The following HDAC8 variants were observed in gnomAD, a reference collection of about 807,000 sequenced individuals.
The protein encoded by HDAC8 is histone deacetylase-like 1.
In HDAC8, 1 loss-of-function variant was observed where a neutral mutation model predicts 32.2. The observed-to-expected ratio is 0.03, with a 90% CI of 0.01 to 0.15. HDAC8 has a LOEUF of 0.15. Ranked by LOEUF, HDAC8 falls within the 10% of genes least tolerant of loss-of-function variation. The pLI is 1.00. For synonymous variants in HDAC8, 108 were observed against 113.9 expected (o/e 0.95, Z 0.33); for missense variants, 117 against 300.0 (o/e 0.39, Z 4.51).
At chrX:72,540,445 G>C (rs1014347102) in intron 4 of HDAC8, among the ~76,000 whole-genome samples, 1 of 111,825 alleles carries the variant, frequency 8.9e-6, no homozygotes, top group East Asian at 2.8e-4. Flanking sequence ...TCAATAAATA[G>C]AAACGAGAAT....
chrX:72,396,256 T>C (rs914005829), intron 9 of HDAC8, among the ~76,000 whole-genome samples: 103 of 112,294 alleles, frequency 9.2e-4, no homozygotes, highest in Middle Eastern at 4.6e-3. Flanking sequence ...CCCATGACAA[T>C]GTTGGCAGGC....
chrX:72,414,395 AC>A (rs1329363344), intron 9 of HDAC8, among the ~76,000 whole-genome samples: 1 of 111,799 alleles, frequency 8.9e-6, no homozygotes, highest in Non-Finnish European at 1.9e-5. Flanking sequence ...AGGCTGCAGT[AC>A]GGTGACCCCA....
intron 10 of HDAC8, among the ~76,000 whole-genome samples, chrX:72,346,529 G>C (rs1456533566): frequency 1.8e-5 from 2 of 112,084 alleles, no homozygotes; most frequent in Non-Finnish European, 3.8e-5. Context: ...CCGGATGTCA[G>C]GCTGCCAGAG....
At position 72,535,481 on chromosome X, in the gene HDAC8, T is replaced by C. The variant is rs911422320; in HGVS notation, c.437+32408A>G. Reference sequence around the variant, plus strand: ...GTACTCATAATCTGGTTTTTATGCTTTACCTTACATGTAAATCTACACATC... The same window carrying C: ...GTACTCATAATCTGGTTTTTATGCTCTACCTTACATGTAAATCTACACATC... On this transcript the variant is annotated intron_variant, in intron 4 of 10. Transcript: ENST00000373573. Among the ~76,000 whole-genome samples the C allele has an allele frequency of 3.6e-5, 4 of 110,413 alleles. No individual in the cohort carries two copies. The Admixed American group carries it at 3.9e-4, about 11-fold the overall frequency.
rs782702904 is a variant in HDAC8 at position 72,329,728 on chromosome X, G to T, written c.*326C>A. ...CCAGCTTCTGATCTGTTTCATTTAAGATGATTAAAATACTCCCCTCCCCAA... is the reference window on the plus strand; with the variant it reads ...CCAGCTTCTGATCTGTTTCATTTAATATGATTAAAATACTCCCCTCCCCAA... On this transcript the variant is annotated 3_prime_UTR_variant, in exon 11 of 11. Coordinates refer to ENST00000373573, the MANE Select transcript of HDAC8 (RefSeq NM_018486.3). The T allele has an allele frequency of 1.0e-5, 12 of 1,173,940 alleles. No homozygotes were observed. The South Asian group carries it at 1.7e-4, about 17-fold the overall frequency.
chrX:72,506,005 C>G (rs1234923693), intron 4 of HDAC8, among the ~76,000 whole-genome samples: 4 of 111,751 alleles, frequency 3.6e-5, no homozygotes, highest in Non-Finnish European at 7.5e-5. Flanking sequence ...GAACTAAAAC[C>G]CGACTGCCCA....
intron 4 of HDAC8, among the ~76,000 whole-genome samples, chrX:72,506,730 T>C (rs147443236): frequency 0.011 from 1,220 of 111,729 alleles, 23 homozygotes; most frequent in African/African-American, 0.038. Context: ...AGAGTACCCA[T>C]ACCCTAGCTC....
intron 9 of HDAC8, among the ~76,000 whole-genome samples, chrX:72,399,730 TCC>T (rs2045856600): frequency 1.8e-5 from 2 of 112,242 alleles, no homozygotes; most frequent in African/African-American, 6.5e-5. Context: ...GCCTGGCCTC[TCC>T]ATTTCAATAA....
chrX:72,383,635 C>T (rs782769912), intron 9 of HDAC8, among the ~76,000 whole-genome samples: 4 of 110,992 alleles, frequency 3.6e-5, no homozygotes, highest in Admixed American at 9.6e-5. Context: ...CTTTGGGAGG[C>T]CGAGGCGGGC....
chrX:72,346,936 C>T (rs782743339), intron 10 of HDAC8, among the ~76,000 whole-genome samples: 1 of 111,054 alleles, frequency 9.0e-6, no homozygotes, highest in South Asian at 3.9e-4. Context: ...TTACTAGGGG[C>T]GATCGGAAAG....
At chrX:72,550,522 C>T (rs1293692793) in intron 4 of HDAC8, among the ~76,000 whole-genome samples, 1 of 110,765 alleles carries the variant, frequency 9.0e-6, no homozygotes, top group Non-Finnish European at 1.9e-5. Flanking sequence ...CATACAAACA[C>T]ACACACAAAC....
At chrX:72,507,511 C>T (rs1317237756) in intron 4 of HDAC8, among the ~76,000 whole-genome samples, 1 of 112,016 alleles carries the variant, frequency 8.9e-6, no homozygotes, top group Non-Finnish European at 1.9e-5. Context: ...CCTACACTGA[C>T]ACATTATTCC....
intron 4 of HDAC8, among the ~76,000 whole-genome samples, chrX:72,522,541 A>G (rs1168178587): frequency 8.9e-6 from 1 of 112,402 alleles, no homozygotes; most frequent in Non-Finnish European, 1.9e-5. Context: ...ACACTGGTAA[A>G]CATACACCAC....
chrX:72,381,311 A>C (rs1411056646), intron 9 of HDAC8, among the ~76,000 whole-genome samples: 2 of 111,723 alleles, frequency 1.8e-5, no homozygotes, highest in Non-Finnish European at 3.8e-5. Flanking sequence ...TCTTGGTGGA[A>C]TTGTTTGAAA....
chrX:72,421,589 T>A (rs1219574086), intron 9 of HDAC8, among the ~76,000 whole-genome samples: 1 of 112,792 alleles, frequency 8.9e-6, no homozygotes, highest in African/African-American at 3.2e-5. Context: ...GTTGTTGTTG[T>A]CACAGATCAT....
intron 4 of HDAC8, among the ~76,000 whole-genome samples, chrX:72,537,626 C>T (rs950616112): frequency 7.1e-5 from 8 of 112,066 alleles, no homozygotes; most frequent in African/African-American, 2.3e-4. Flanking sequence ...TTCAAGATGC[C>T]TCCCAGAGGA....
intron 9 of HDAC8, among the ~76,000 whole-genome samples, chrX:72,443,862 C>T (rs1361567540): frequency 4.9e-4 from 53 of 109,174 alleles, no homozygotes; most frequent in Middle Eastern, 9.4e-3. Flanking sequence ...ATATCACCAC[C>T]GATCACACAG....
intron 4 of HDAC8, among the ~76,000 whole-genome samples, chrX:72,566,313 AAAAC>A (rs782528077): frequency 1.1e-3 from 119 of 111,879 alleles, no homozygotes; most frequent in African/African-American, 3.5e-3. Context: ...CAAAAAACAA[AAAAC>A]AAACAAACAA....
At chrX:72,443,798 T>C (rs2047265874) in intron 9 of HDAC8, among the ~76,000 whole-genome samples, 2 of 107,394 alleles carry the variant, frequency 1.9e-5, no homozygotes, top group Middle Eastern at 4.8e-3. Flanking sequence ...GCAAGACTAA[T>C]AAAGAAGAAA....
Sources: allele counts gnomAD v4.1 joint callset (sites outside exome capture counted in the v4.1 genomes callset), GRCh38; gene constraint gnomAD v4.1.1; transcripts MANE v1.5; gene names NCBI Gene and HGNC (gene_info 2026-07-23, HGNC 2026-07-21).